TTLL5: variants seen among roughly 807,000 people sequenced by gnomAD.
TTLL5 encodes tubulin polyglutamylase TTLL5.
In TTLL5, 132 loss-of-function variants were observed where a neutral mutation model predicts 168.4. That is an observed-to-expected ratio of 0.78 (90% CI 0.68 to 0.91). TTLL5 has a LOEUF of 0.91. TTLL5 is among the 40% of genes least tolerant of loss of function. The pLI, the probability that TTLL5 is intolerant of heterozygous loss-of-function variation, is 0.00. For missense variants in TTLL5, 1,545 were observed against 1,581.5 expected, an observed-to-expected ratio of 0.98 and a Z score of 0.39; for synonymous variants, 546 against 558.6, an observed-to-expected ratio of 0.98 and a Z score of 0.32.
intron 31 of TTLL5, among the ~76,000 whole-genome samples, chr14:75,940,482 A>G (rs896763970): frequency 1.1e-4 from 17 of 152,226 alleles, no homozygotes; most frequent in Admixed American, 6.5e-4. Flanking sequence ...ACATGTTTAT[A>G]TAAAAATACA....
intron 5 of TTLL5, among the ~76,000 whole-genome samples, chr14:75,688,102 C>G (rs1885202578): frequency 1.3e-5 from 2 of 152,060 alleles, no homozygotes; most frequent in Non-Finnish European, 2.9e-5. Context: ...GAGAAGTGTC[C>G]TTTTATATAC....
intron 28 of TTLL5, among the ~76,000 whole-genome samples, chr14:75,824,506 G>A (rs972205691): frequency 1.3e-5 from 2 of 152,054 alleles, no homozygotes; most frequent in African/African-American, 2.4e-5. Context: ...CCATTCATAC[G>A]AAACATCTAA....
intron 10 of TTLL5, among the ~76,000 whole-genome samples, chr14:75,718,256 C>T (rs117349828): frequency 0.012 from 1,892 of 152,234 alleles, 15 homozygotes; most frequent in South Asian, 0.025. Flanking sequence ...GCATATGGAA[C>T]GTTTTAGAAG....
chr14:75,720,651 A>G lies in TTLL5; in HGVS notation c.990A>G (p.Leu330=), dbSNP rs191549100. Residue 330 remains leucine, a synonymous_variant, in exon 12 of 32, where the codon CTA becomes CTG. Transcript: ENST00000298832. ...LIIKTIISAE[L]AIATACKTFV... ...TTAAGACTATAATCTCTGCTGAACTAGCTATTGCTACTGCCTGTAAAACCT... is the reference window on the plus strand; with the variant it reads ...TTAAGACTATAATCTCTGCTGAACTGGCTATTGCTACTGCCTGTAAAACCT... 3.3e-5 allele frequency: 54 copies of G among 1,613,754 alleles called. No individual in the cohort carries two copies. The highest frequency in any genetic ancestry group is 4.1e-5 in the Non-Finnish European group (48 of 1,179,702).
intron 7 of TTLL5, among the ~76,000 whole-genome samples, chr14:75,701,580 AGAG>A (rs1204200898): frequency 6.6e-6 from 1 of 152,200 alleles, no homozygotes; most frequent in African/African-American, 2.4e-5. Context: ...TTGTGAATGC[AGAG>A]GAGGATTTTG....
intron 28 of TTLL5, among the ~76,000 whole-genome samples, chr14:75,828,590 C>A (rs1895371546): frequency 6.6e-6 from 1 of 152,058 alleles, no homozygotes; most frequent in South Asian, 2.1e-4. Flanking sequence ...GAAGTTGTAC[C>A]TGAATTTTCG....
Position 75,866,561 on chromosome 14 carries a change from C to A in TTLL5, c.3522+2699C>A, listed in dbSNP as rs115012968. ...TATTATGTTTATGAACAGCATCTTT[C>A]ACATAGTAATCTCCTAATAATGTCT... On this transcript the variant is annotated intron_variant, in intron 29 of 31. Coordinates refer to ENST00000298832, the MANE Select transcript of TTLL5 (RefSeq NM_015072.5). 7.3e-3 allele frequency among the ~76,000 whole-genome samples: 1,115 copies of A among 152,314 alleles called. 17 individuals are homozygous for A. The highest frequency in any genetic ancestry group is 0.026 in the African/African-American group (1,064 of 41,562).
intron 18 of TTLL5, among the ~76,000 whole-genome samples, chr14:75,757,602 A>G (rs1477465): frequency 0.64 from 97,136 of 152,012 alleles, 33,742 homozygotes; most frequent in Admixed American, 0.76. Context: ...TTTTCTCTAT[A>G]ATTTGTCCTT....
chr14:75,801,774 A>T (rs2140368766), intron 27 of TTLL5, among the ~76,000 whole-genome samples: 1 of 152,302 alleles, frequency 6.6e-6, no homozygotes, highest in South Asian at 2.1e-4. Context: ...AGATTCTGGT[A>T]TATTTGTTTA....
intron 23 of TTLL5, among the ~76,000 whole-genome samples, chr14:75,777,694 A>T (rs1315760510): frequency 1.3e-5 from 2 of 152,208 alleles, no homozygotes; most frequent in African/African-American, 4.8e-5. Flanking sequence ...TCAAAGTCAC[A>T]AATAGGGAGA....
chr14:75,910,983 GT>G (rs1222982676), intron 31 of TTLL5, among the ~76,000 whole-genome samples: 1 of 151,874 alleles, frequency 6.6e-6, no homozygotes, highest in Non-Finnish European at 1.5e-5. Context: ...TGAATGCAGG[GT>G]TTTTTTGTTG....
At chr14:75,919,166 A>G (rs572652172) in intron 31 of TTLL5, among the ~76,000 whole-genome samples, 1 of 122,870 alleles carries the variant, frequency 8.1e-6, no homozygotes, top group South Asian at 2.8e-4. Context: ...ACGCCACTGC[A>G]CTCCAGCCTG....
chr14:75,819,137 G>A (rs1463080524), intron 27 of TTLL5, among the ~76,000 whole-genome samples: 1 of 152,154 alleles, frequency 6.6e-6, no homozygotes, highest in Non-Finnish European at 1.5e-5. Flanking sequence ...TTGGCACCTA[G>A]TGAGTTCTAA....
intron 29 of TTLL5, among the ~76,000 whole-genome samples, chr14:75,881,725 CA>C (rs1428125012): frequency 1.3e-5 from 2 of 152,056 alleles, no homozygotes; most frequent in Non-Finnish European, 2.9e-5. Flanking sequence ...TGTATTTTGT[CA>C]ATGATGTTAT....
chr14:75,728,981 TAGAG>T (rs1888362138), intron 12 of TTLL5, among the ~76,000 whole-genome samples: 1 of 152,074 alleles, frequency 6.6e-6, no homozygotes, highest in Admixed American at 6.6e-5. Context: ...AGTCAGTTAT[TAGAG>T]AGGGAGCAGA....
intron 31 of TTLL5, among the ~76,000 whole-genome samples, chr14:75,953,948 T>G (rs965441910): frequency 1.1e-4 from 16 of 151,760 alleles, no homozygotes; most frequent in Admixed American, 7.9e-4. Flanking sequence ...ACAAAAGTGG[T>G]TAAAATTAAG....
chr14:75,802,398 G>A (rs1893374982), intron 27 of TTLL5, among the ~76,000 whole-genome samples: 1 of 152,132 alleles, frequency 6.6e-6, no homozygotes, highest in African/African-American at 2.4e-5. Flanking sequence ...AAGGAGTTAA[G>A]AGATATTCTA....
intron 2 of TTLL5, among the ~76,000 whole-genome samples, chr14:75,668,645 T>C (rs921330655): frequency 1.3e-5 from 2 of 152,220 alleles, no homozygotes; most frequent in Non-Finnish European, 2.9e-5. Context: ...GGAAAATATA[T>C]ATTGTTCCAT....
chr14:75,805,994 C>G (rs1045408957), intron 27 of TTLL5, among the ~76,000 whole-genome samples: 70 of 151,504 alleles, frequency 4.6e-4, no homozygotes, highest in Non-Finnish European at 1.2e-4. Flanking sequence ...CAGTCTCTTC[C>G]TGTTCACCCT....
Sources: allele counts gnomAD v4.1 joint callset (sites outside exome capture counted in the v4.1 genomes callset), GRCh38; gene constraint gnomAD v4.1.1; transcripts MANE v1.5; gene names NCBI Gene and HGNC (gene_info 2026-07-23, HGNC 2026-07-21).